MAML2: variants seen among roughly 807,000 people sequenced by gnomAD.
The protein encoded by MAML2 is mastermind-like protein 2.
MAML2 carries 22 observed loss-of-function variants against 96.1 expected under a neutral mutation model. The observed-to-expected ratio is 0.23, with a 90% CI of 0.16 to 0.33. The LOEUF (loss-of-function observed/expected upper bound fraction) is 0.33, where lower values mean the gene tolerates loss of function less well. MAML2 is among the 10% of genes least tolerant of loss of function. MAML2 has a pLI of 1.00. For synonymous variants in MAML2, 561 were observed against 521.3 expected (o/e 1.08, Z -1.04); for missense variants, 1,367 against 1,392.4 (o/e 0.98, Z 0.29).
chr11:96,162,122 T>C (rs988704692), intron 1 of MAML2, among the ~76,000 whole-genome samples: 1 of 151,360 alleles, frequency 6.6e-6, no homozygotes, highest in Non-Finnish European at 1.5e-5. Context: ...TTAAAGGGCA[T>C]GTACATAACC....
intron 1 of MAML2, among the ~76,000 whole-genome samples, chr11:96,157,464 AC>A (rs1737733628): frequency 6.6e-6 from 1 of 152,234 alleles, no homozygotes. Context: ...ACGTCATGGG[AC>A]TTTGGCAAAA....
At chr11:96,271,649 G>T (rs1377065996) in intron 1 of MAML2, among the ~76,000 whole-genome samples, 1 of 152,082 alleles carries the variant, frequency 6.6e-6, no homozygotes, top group African/African-American at 2.4e-5. Context: ...AGAAAGATGT[G>T]TTTGCTTCCC....
intron 1 of MAML2, among the ~76,000 whole-genome samples, chr11:96,126,120 C>A (rs1194125691): frequency 6.6e-6 from 1 of 152,132 alleles, no homozygotes; most frequent in Non-Finnish European, 1.5e-5. Flanking sequence ...ATGTAGTCAG[C>A]ATCTGGATGT....
intron 1 of MAML2, among the ~76,000 whole-genome samples, chr11:96,110,940 C>G (rs1384292942): frequency 6.6e-6 from 1 of 152,202 alleles, no homozygotes; most frequent in Non-Finnish European, 1.5e-5. Flanking sequence ...TTTGACCAGA[C>G]AGTTTCATGC....
chr11:96,086,251 AAT>A (rs1859611411), intron 2 of MAML2, among the ~76,000 whole-genome samples: 1 of 152,212 alleles, frequency 6.6e-6, no homozygotes, highest in African/African-American at 2.4e-5. Flanking sequence ...GTAGGTGCTC[AAT>A]ACATTTTCAT....
chr11:96,091,178 C>G (rs72969760), intron 2 of MAML2, among the ~76,000 whole-genome samples: 1 of 152,076 alleles, frequency 6.6e-6, no homozygotes, highest in Non-Finnish European at 1.5e-5. Flanking sequence ...TATCTGTAGT[C>G]GTGATAATTT....
chr11:96,285,204 C>A (rs1243925243), intron 1 of MAML2, among the ~76,000 whole-genome samples: 2 of 152,156 alleles, frequency 1.3e-5, no homozygotes, highest in East Asian at 1.9e-4. Context: ...TCTACTGTAG[C>A]ACCTATTGTA....
chr11:96,035,629 C>G (rs1858698716), intron 2 of MAML2, among the ~76,000 whole-genome samples: 1 of 152,202 alleles, frequency 6.6e-6, no homozygotes, highest in African/African-American at 2.4e-5. Flanking sequence ...CATGAGATCT[C>G]AGAAGGAAGG....
chr11:96,199,749 C>T (rs1591068495), intron 1 of MAML2, among the ~76,000 whole-genome samples: 1 of 152,040 alleles, frequency 6.6e-6, no homozygotes, highest in African/African-American at 2.4e-5. Flanking sequence ...TCTGCTTAGT[C>T]GAAAAGGTTT....
chr11:96,288,868 A>C (rs1042741870), intron 1 of MAML2, among the ~76,000 whole-genome samples: 1 of 152,246 alleles, frequency 6.6e-6, no homozygotes, highest in Non-Finnish European at 1.5e-5. Flanking sequence ...TCACATCTTT[A>C]AAGTCAAAAA....
chr11:96,033,110 A>G (rs1411628323), intron 2 of MAML2, among the ~76,000 whole-genome samples: 1 of 152,222 alleles, frequency 6.6e-6, no homozygotes, highest in Non-Finnish European at 1.5e-5. Flanking sequence ...AACAAAACTA[A>G]TACATGCTAT....
In MAML2 at chr11:96,218,521, T is replaced by C. The variant is rs967586169; in HGVS notation, c.513+122862A>G. ...TCTTGAATAAATAAAGTATAAAAAC[T>C]CAGAGATTTTTATATTATTTCCACA... On this transcript the variant is annotated intron_variant, in intron 1 of 4. Transcript: ENST00000524717. Among the ~76,000 whole-genome samples, 11 of 152,224 alleles carry C rather than the reference T, an allele frequency of 7.2e-5. 1 individual carries two copies. The highest frequency in any genetic ancestry group is 2.7e-4 in the African/African-American group (11 of 41,454).
chr11:96,124,259 A>T (rs566166131), intron 1 of MAML2, among the ~76,000 whole-genome samples: 1 of 152,224 alleles, frequency 6.6e-6, no homozygotes, highest in South Asian at 2.1e-4. Context: ...TTCCATACAC[A>T]GCGTTCCTCT....
chr11:96,183,391 C>T (rs11021465), intron 1 of MAML2, among the ~76,000 whole-genome samples: 36,028 of 115,498 alleles, frequency 0.31, 5,257 homozygotes, highest in East Asian at 0.57. Flanking sequence ...TTCCTCCGTT[C>T]CTCCCCCCCC....
At chr11:96,027,651 G>A (rs573472555) in intron 2 of MAML2, among the ~76,000 whole-genome samples, 7 of 152,304 alleles carry the variant, frequency 4.6e-5, no homozygotes, top group Admixed American at 1.3e-4. Flanking sequence ...CCTCAGTCAC[G>A]GAGGAGGGCT....
At chr11:96,307,297 T>C (rs905333379) in intron 1 of MAML2, among the ~76,000 whole-genome samples, 1 of 152,250 alleles carries the variant, frequency 6.6e-6, no homozygotes, top group African/African-American at 2.4e-5. Context: ...CCTTCAGTGC[T>C]GAGCTTAAAG....
At chr11:96,184,672 C>T (rs1434966937) in intron 1 of MAML2, among the ~76,000 whole-genome samples, 1 of 149,872 alleles carries the variant, frequency 6.7e-6, no homozygotes, top group Non-Finnish European at 1.5e-5. Flanking sequence ...TCACTGCTAG[C>T]TCCGCCTCCC....
chr11:96,109,435 T>C (rs1254010015), intron 1 of MAML2, among the ~76,000 whole-genome samples: 3 of 152,142 alleles, frequency 2.0e-5, no homozygotes, highest in African/African-American at 7.2e-5. Flanking sequence ...GGAGATAGGA[T>C]AGCTTAAGCC....
intron 1 of MAML2, among the ~76,000 whole-genome samples, chr11:96,193,360 C>T (rs1286839101): frequency 6.6e-6 from 1 of 152,150 alleles, no homozygotes; most frequent in Non-Finnish European, 1.5e-5. Context: ...CAGGGCGAGA[C>T]TCCATTTCAA....
Sources: allele counts gnomAD v4.1 joint callset (sites outside exome capture counted in the v4.1 genomes callset), GRCh38; gene constraint gnomAD v4.1.1; transcripts MANE v1.5; gene names NCBI Gene and HGNC (gene_info 2026-07-23, HGNC 2026-07-21).